The following DIAPH3 variants were observed in gnomAD, a reference collection of about 807,000 sequenced individuals.
The protein encoded by DIAPH3 is protein diaphanous homolog 3.
DIAPH3 carries 117 observed loss-of-function variants against 144.3 expected under a neutral mutation model. The ratio of observed to expected loss-of-function variants is 0.81; its 90% confidence interval spans 0.70 to 0.95. The LOEUF is 0.95. Among genes scored for constraint, DIAPH3 ranks in the 40% least tolerant of loss-of-function variants. The pLI is 0.00. For missense variants in DIAPH3, 1,421 were observed against 1,412.7 expected, an observed-to-expected ratio of 1.01 and a Z score of -0.09; for synonymous variants, 519 against 488.9, an observed-to-expected ratio of 1.06 and a Z score of -0.81.
At chr13:60,107,726 G>T (rs774210584) in intron 3 of DIAPH3, among the ~76,000 whole-genome samples, 12 of 152,218 alleles carry the variant, frequency 7.9e-5, no homozygotes, top group South Asian at 2.1e-4. Context: ...TAAAAGAATA[G>T]AACATCACTA....
intron 9 of DIAPH3, among the ~76,000 whole-genome samples, chr13:60,004,095 GAAT>G (rs1367197518): frequency 2.0e-5 from 3 of 152,032 alleles, no homozygotes; most frequent in African/African-American, 7.2e-5. Context: ...TGCAGTAAAA[GAAT>G]AATGAAGAAT....
At chr13:59,711,532 G>A (rs772552683) in intron 27 of DIAPH3, among the ~76,000 whole-genome samples, 3 of 151,722 alleles carry the variant, frequency 2.0e-5, no homozygotes, top group East Asian at 1.9e-4. Flanking sequence ...CAGTACCATC[G>A]TTGCCACCAC....
At chr13:59,991,526 G>T (rs183119160) in intron 11 of DIAPH3, among the ~76,000 whole-genome samples, 1 of 152,070 alleles carries the variant, frequency 6.6e-6, no homozygotes, top group East Asian at 1.9e-4. Context: ...GATGCTGTTG[G>T]GAACAAAGGT....
intron 21 of DIAPH3, among the ~76,000 whole-genome samples, chr13:59,870,849 T>C (rs1028180401): frequency 6.6e-6 from 1 of 151,492 alleles, no homozygotes; most frequent in Non-Finnish European, 1.5e-5. Context: ...TTTGTATTTT[T>C]AGTAGAGACG....
At chr13:59,809,303 A>T (rs369228339) in intron 25 of DIAPH3, among the ~76,000 whole-genome samples, 121 of 152,266 alleles carry the variant, frequency 7.9e-4, no homozygotes, top group African/African-American at 2.8e-3. Context: ...GGAGTTAAAG[A>T]CCAGCCTGGC....
At chr13:59,668,202 C>T (rs1267019502) in intron 27 of DIAPH3, among the ~76,000 whole-genome samples, 3 of 152,094 alleles carry the variant, frequency 2.0e-5, no homozygotes, top group Admixed American at 6.6e-5. Flanking sequence ...TTGTGTTTGC[C>T]GGAAAGAGCA....
chr13:60,077,188 C>A (rs1274991067), intron 4 of DIAPH3, among the ~76,000 whole-genome samples: 1 of 151,772 alleles, frequency 6.6e-6, no homozygotes, highest in African/African-American at 2.4e-5. Context: ...ACTGAAACAA[C>A]CTTTGTGTCC....
chr13:60,059,079 G>A (rs1482885109), intron 4 of DIAPH3, among the ~76,000 whole-genome samples: 1 of 151,262 alleles, frequency 6.6e-6, no homozygotes, highest in Non-Finnish European at 1.5e-5. Flanking sequence ...TAAAAAGTAT[G>A]ACTTACATGT....
intron 17 of DIAPH3, among the ~76,000 whole-genome samples, chr13:59,925,950 AT>A (rs2047731257): frequency 6.6e-6 from 1 of 152,132 alleles, no homozygotes; most frequent in Non-Finnish European, 1.5e-5. Flanking sequence ...TAATTTAAAA[AT>A]AAAACAACTT....
chr13:59,696,999 A>G (rs2033834252), intron 27 of DIAPH3, among the ~76,000 whole-genome samples: 1 of 152,110 alleles, frequency 6.6e-6, no homozygotes, highest in African/African-American at 2.4e-5. Context: ...TGAATCATTT[A>G]ACTTGAGTAG....
chr13:59,929,738 AT>A (rs78484126), intron 17 of DIAPH3, among the ~76,000 whole-genome samples: 242 of 137,902 alleles, frequency 1.8e-3, no homozygotes, highest in Non-Finnish European at 1.6e-3. Context: ...TAATTTTTGT[AT>A]TTTTTTTTTT....
intron 25 of DIAPH3, among the ~76,000 whole-genome samples, chr13:59,780,536 T>TAG (rs1404573678): frequency 6.6e-6 from 1 of 152,196 alleles, no homozygotes; most frequent in Non-Finnish European, 1.5e-5. Flanking sequence ...CTTAAATAAC[T>TAG]AGACTAACTG....
At chr13:60,106,522 C>G (rs2058425865) in intron 3 of DIAPH3, among the ~76,000 whole-genome samples, 1 of 152,234 alleles carries the variant, frequency 6.6e-6, no homozygotes, top group South Asian at 2.1e-4. Flanking sequence ...TTTGATAAAT[C>G]TGACCACAAT....
At chr13:60,009,758 G>A (rs1169372349) in intron 8 of DIAPH3, among the ~76,000 whole-genome samples, 1 of 152,148 alleles carries the variant, frequency 6.6e-6, no homozygotes, top group Non-Finnish European at 1.5e-5. Flanking sequence ...ACTCCAGCAG[G>A]ACCTCCACAA....
intron 20 of DIAPH3, among the ~76,000 whole-genome samples, chr13:59,883,842 A>G (rs1240420709): frequency 6.6e-6 from 1 of 152,184 alleles, no homozygotes; most frequent in East Asian, 1.9e-4. Flanking sequence ...ATCAAGTAAC[A>G]CCCTGCAATG....
intron 1 of DIAPH3, chr13:60,147,279 G>C (rs796618822): frequency 1.3e-5 from 2 of 152,272 alleles, no homozygotes; most frequent in African/African-American, 4.8e-5. Flanking sequence ...GGAAAATATA[G>C]CCATTTTTGG....
chr13:59,926,222 A>G (rs1044647642), intron 17 of DIAPH3, among the ~76,000 whole-genome samples: 2 of 152,064 alleles, frequency 1.3e-5, no homozygotes, highest in African/African-American at 4.8e-5. Flanking sequence ...TCCTGCCCTC[A>G]AGTGATCCTC....
intron 4 of DIAPH3, among the ~76,000 whole-genome samples, chr13:60,063,640 C>G (rs1307527593): frequency 6.6e-6 from 1 of 152,112 alleles, no homozygotes; most frequent in African/African-American, 2.4e-5. Flanking sequence ...AAACATTACT[C>G]TCCTGGCCAG....
At chr13:59,761,795 A>G (rs2037603612) in intron 27 of DIAPH3, among the ~76,000 whole-genome samples, 1 of 152,194 alleles carries the variant, frequency 6.6e-6, no homozygotes, top group African/African-American at 2.4e-5. Flanking sequence ...GACAGAAAGT[A>G]AAGAGAAATA....
Sources: allele counts gnomAD v4.1 joint callset (sites outside exome capture counted in the v4.1 genomes callset), GRCh38; gene constraint gnomAD v4.1.1; transcripts MANE v1.5; gene names NCBI Gene and HGNC (gene_info 2026-07-23, HGNC 2026-07-21).